CYP4V2: variants seen among roughly 807,000 people sequenced by gnomAD.
CYP4V2 encodes cytochrome P450 4V2.
CYP4V2 carries 55 observed loss-of-function variants against 60.8 expected under a neutral mutation model. The ratio of observed to expected loss-of-function variants is 0.90; its 90% CI spans 0.73 to 1.13. The LOEUF is 1.13. CYP4V2 is among the 50% of genes most tolerant of loss of function. CYP4V2 has a pLI of 0.00. For missense variants in CYP4V2, 675 were observed against 662.9 expected (o/e 1.02, Z -0.20); for synonymous variants, 239 against 236.8 (o/e 1.01, Z -0.08).
intron 10 of CYP4V2, among the ~76,000 whole-genome samples, chr4:186,209,634 C>T (rs1257858037): frequency 6.6e-6 from 1 of 152,160 alleles, no homozygotes; most frequent in Non-Finnish European, 1.5e-5. Flanking sequence ...CTCCTTATGT[C>T]TTCACTTGGT....
intron 3 of CYP4V2, 182 bp from the exon 4 acceptor site, chr4:186,196,758 T>C (rs1736159741): frequency 1.7e-6 from 1 of 593,438 alleles, no homozygotes. Flanking sequence ...ATGAATATTT[T>C]ATAGATATGT....
intron 1 of CYP4V2, among the ~76,000 whole-genome samples, chr4:186,192,690 GA>G (rs1405903171): frequency 1.3e-5 from 2 of 152,034 alleles, no homozygotes; most frequent in Admixed American, 6.5e-5. Context: ...TTTATTGATG[GA>G]AAAAAATCAC....
rs1436391266 is a variant in CYP4V2 at position 186,207,434 on chromosome 4, G to T, written c.1091-1431G>T. Among the ~76,000 whole-genome samples the T allele has an allele frequency of 2.1e-5, 3 of 143,192 alleles. No individual in the cohort carries two copies. The East Asian group carries it at 6.1e-4, about 29-fold the overall frequency. 93.9% of individuals were successfully genotyped at this position (143,192 alleles called of 152,430 possible). On this transcript the variant is annotated intron_variant, in intron 8 of 10. Coordinates refer to ENST00000378802, the MANE Select transcript of CYP4V2 (RefSeq NM_207352.4). ...CTCCAAAAAAAAAAAAAGAAAGAAA[G>T]AAAGAAAAAAACATTTGAGCAACTA...
At chr4:186,205,143 C>T (rs903461611) in intron 7 of CYP4V2, 57 bp from the exon 8 acceptor site, 3 of 1,533,490 alleles carry the variant, frequency 2.0e-6, no homozygotes, top group Middle Eastern at 1.7e-4. Flanking sequence ...TTTCTGGTCA[C>T]TCCTAATCAT....
intron 1 of CYP4V2, chr4:186,192,373 C>T (rs1204666376): frequency 1.9e-6 from 1 of 523,200 alleles, no homozygotes; most frequent in Non-Finnish European, 3.6e-6. Flanking sequence ...ACAGAAGCTC[C>T]CTGGGAGCAC....
Position 186,212,537 on chromosome 4 carries a change from AT to A in CYP4V2, c.*1897del, listed in dbSNP as rs1157525076. ...TCAATTTTTATTCACTCTTCATAGA[AT>A]CACAATTACCTTTATATATCATATG... On this transcript the variant is annotated 3_prime_UTR_variant, in exon 11 of 11. Transcript: ENST00000378802. The A allele has an allele frequency of 6.6e-6, 1 of 152,218 alleles. No individual in the cohort carries two copies. Among genetic ancestry groups the A allele is most frequent in the African/African-American group, 2.4e-5 (1 of 41,460 alleles). The allele number at this position is 152,218 out of a possible 1,614,324, so 9.4% of individuals were successfully genotyped here.
chr4:186,197,259 C>A, intron 4 of CYP4V2, 129 bp downstream of exon 4: 1 of 1,171,836 alleles, frequency 8.5e-7, no homozygotes, highest in Non-Finnish European at 1.2e-6. Flanking sequence ...CGCGGTTCTA[C>A]GACCGCACTG....
chr4:186,198,873 T>G, intron 5 of CYP4V2, 84 bp from the exon 6 acceptor site: 2 of 1,605,088 alleles, frequency 1.2e-6, no homozygotes, highest in South Asian at 2.2e-5. Context: ...CACGATTGCC[T>G]TCATCAAGGC....
chr4:186,195,915 C>A lies in CYP4V2; in HGVS notation c.328-88C>A. 1 of 921,988 alleles carries A rather than the reference C, an allele frequency of 1.1e-6. No homozygotes were observed. The highest frequency in any genetic ancestry group is 1.8e-6 in the Non-Finnish European group (1 of 569,064). The allele number at this position is 921,988 out of a possible 1,614,324, so 57.1% of individuals were successfully genotyped here. On this transcript the variant is annotated intron_variant, in intron 2 of 10. Transcript: ENST00000378802. The surrounding 1 kb of genome is among the most constrained non-coding windows in gnomAD (Gnocchi z 4.1). ...ATAAATGTTGTGAATGCCCTAAAAACTAGCTGTATTCTAGCCAGTATTCCT... is the reference window on the plus strand; with the variant it reads ...ATAAATGTTGTGAATGCCCTAAAAAATAGCTGTATTCTAGCCAGTATTCCT...
chr4:186,200,481 G>C (rs1164424524), intron 6 of CYP4V2, among the ~76,000 whole-genome samples: 2 of 152,182 alleles, frequency 1.3e-5, no homozygotes, highest in African/African-American at 2.4e-5. Flanking sequence ...TAAATAATAA[G>C]TATAACGTAA....
intron 6 of CYP4V2, among the ~76,000 whole-genome samples, chr4:186,199,773 A>G (rs1186231702): frequency 1.4e-5 from 2 of 143,232 alleles, no homozygotes; most frequent in Admixed American, 6.8e-5. Flanking sequence ...TAGGATGTCA[A>G]TCTTTGTGTT....
At chr4:186,200,203 A>G (rs2126588406) in intron 6 of CYP4V2, among the ~76,000 whole-genome samples, 1 of 152,306 alleles carries the variant, frequency 6.6e-6, no homozygotes, top group South Asian at 2.1e-4. Context: ...AATTCCACCA[A>G]GAATAAAAAA....
At chr4:186,196,212 A>G in intron 3 of CYP4V2, 124 bp downstream of exon 3, 1 of 914,616 alleles carries the variant, frequency 1.1e-6, no homozygotes, top group Non-Finnish European at 1.7e-6. Context: ...AGAAAGGAGG[A>G]GAAAGGCTGG....
chr4:186,194,451 C>T, intron 1 of CYP4V2, 49 bp from the exon 2 acceptor site: 1 of 1,496,970 alleles, frequency 6.7e-7, no homozygotes, highest in Non-Finnish European at 9.3e-7. Flanking sequence ...CAATACTGGT[C>T]ACAACTTTCT....
chr4:186,201,198 C>T lies in CYP4V2; in HGVS notation c.843C>T (p.Asp281=). The change falls in exon 7 of 11, where the codon GAC becomes GAT. Residue 281 remains aspartate (D), a synonymous_variant. Transcript: ENST00000378802. ...ERANEMNANE[D]CRGDGRGSAP... is the part of the protein sequence containing the mutation. ...CCAATGAAATGAACGCCAATGAAGA[C>T]TGTAGAGGTGATGGCAGGGGCTCTG... 1 of 1,614,144 alleles carries T rather than the reference C, an allele frequency of 6.2e-7. No homozygotes were observed.
rs748586296 is a variant in CYP4V2 at position 186,201,218 on chromosome 4, G to T, written c.863G>T (p.Gly288Val). Residue 288 changes from glycine (G) to valine (V), a missense_variant, in exon 7 of 11, where the codon GGC becomes GTC. By Grantham distance (109) the Gly-to-Val change is moderately radical. Transcript: ENST00000378802. Reference protein sequence around the residue: ...ANEDCRGDGRGSAPSKNKRRA... With the variant: ...ANEDCRGDGRVSAPSKNKRRA... ...GAAGACTGTAGAGGTGATGGCAGGG[G>T]CTCTGCCCCCTCCAAAAATAAACGC... 1 of 1,614,162 alleles carries T rather than the reference G, an allele frequency of 6.2e-7. No individual in the cohort carries two copies. Among genetic ancestry groups the T allele is most frequent in the East Asian group, 2.2e-5 (1 of 44,856 alleles).
chr4:186,208,771 C>T (rs1736608079), intron 8 of CYP4V2, 94 bp from the exon 9 acceptor site: 3 of 1,557,712 alleles, frequency 1.9e-6, no homozygotes, highest in East Asian at 2.2e-5. Flanking sequence ...GGGTATTTAG[C>T]ATGCCATGCC....
intron 8 of CYP4V2, among the ~76,000 whole-genome samples, chr4:186,207,438 GA>G (rs1387693091): frequency 1.4e-5 from 2 of 143,446 alleles, no homozygotes; most frequent in Non-Finnish European, 1.5e-5. Flanking sequence ...AAGAAAGAAA[GA>G]AAAAAACATT....
chr4:186,211,017 T>G lies in CYP4V2; in HGVS notation c.*376T>G. On this transcript the variant is annotated 3_prime_UTR_variant, in exon 11 of 11. Coordinates refer to ENST00000378802, the MANE Select transcript of CYP4V2 (RefSeq NM_207352.4). ...ATGCCTGGCTAATTTTTTTGTATTT[T>G]TAGTAGAAACAGGGTGTCACCATGT... The G allele has an allele frequency of 4.5e-6, 1 of 222,398 alleles. No individual in the cohort carries two copies. The highest frequency in any genetic ancestry group is 8.9e-6 in the Non-Finnish European group (1 of 112,394). The allele number at this position is 222,398 out of a possible 1,614,324, so 13.8% of individuals were successfully genotyped here.
Sources: gnomAD v4.1 joint callset for allele counts (sites outside exome capture counted in the v4.1 genomes callset) on GRCh38, gnomAD v4.1.1 for gene constraint, Gnocchi (gnomAD v3.1) non-coding constraint, MANE v1.5 for transcripts, NCBI Gene and HGNC (gene_info 2026-07-23, HGNC 2026-07-21) for gene names.